The following RWDD1 variants were observed in gnomAD, a reference collection of about 807,000 sequenced individuals.
RWDD1 encodes RWD domain containing 1.
In RWDD1, 17 loss-of-function variants were observed where a neutral mutation model predicts 31.6. That is an observed-to-expected ratio of 0.54 (90% CI 0.37 to 0.81). The LOEUF is 0.81. Among genes scored for constraint, RWDD1 ranks in the 30% least tolerant of loss-of-function variants. The pLI is 0.00. For missense variants in RWDD1, 204 were observed against 274.5 expected (o/e 0.74, Z 1.82); for synonymous variants, 78 against 94.2 (o/e 0.83, Z 0.99).
Position 116,593,161 on chromosome 6 carries a change from G to C in RWDD1, c.*60G>C. 6.9e-7 allele frequency: 1 copy of C among 1,459,642 alleles called. No homozygotes were observed. Among genetic ancestry groups the C allele is most frequent in the Non-Finnish European group, 9.1e-7 (1 of 1,095,208 alleles). 90.4% of individuals were successfully genotyped at this position (1,459,642 alleles called of 1,614,324 possible). A position where few individuals can be genotyped will look rare whatever the true frequency, so the allele number is the denominator to read the frequency against. On this transcript the variant is annotated 3_prime_UTR_variant, in exon 7 of 7. Coordinates refer to ENST00000466444, the MANE Select transcript of RWDD1 (RefSeq NM_015952.4). ...CACAGCATCTGTGGCTATGCTCAGA[G>C]GGTTATGATTTTCCTTTCTTTTTTT...
chr6:116,590,102 G>A (rs7765598), intron 4 of RWDD1, among the ~76,000 whole-genome samples, 170 bp from the exon 5 acceptor site: 59,510 of 151,986 alleles, frequency 0.39, 12,208 homozygotes, highest in African/African-American at 0.52. Flanking sequence ...GCCAAAACCA[G>A]TGAGAGTAGC....
Position 116,572,918 on chromosome 6 carries a change from C to CAGT in RWDD1, c.73+1265_73+1267dup, listed in dbSNP as rs909713934. The CAGT allele has an allele frequency of 4.1e-6, 4 of 984,998 alleles. No homozygotes were observed. In the African/African-American group the frequency reaches 7.0e-5, roughly 17 times the overall value. The allele number at this position is 984,998 out of a possible 1,614,324, so 61.0% of individuals were successfully genotyped here. On this transcript the variant is annotated intron_variant, in intron 1 of 6. Coordinates refer to ENST00000466444, the MANE Select transcript of RWDD1 (RefSeq NM_015952.4). ...TCCTGTTCATGTTCTCTCTCACCAGCAGTACATCTGTGCTGTGAGGATGTT... is the reference window on the plus strand; with the variant it reads ...TCCTGTTCATGTTCTCTCTCACCAGCAGTAGTACATCTGTGCTGTGAGGATGTT...
At chr6:116,577,585 T>A (rs566056880) in intron 1 of RWDD1, among the ~76,000 whole-genome samples, 1 of 151,980 alleles carries the variant, frequency 6.6e-6, no homozygotes, top group Non-Finnish European at 1.5e-5. Context: ...TACTACTCAT[T>A]TTTGTTAGTG....
At chr6:116,588,205 C>T (rs1007444527) in intron 3 of RWDD1, among the ~76,000 whole-genome samples, 63 of 152,202 alleles carry the variant, frequency 4.1e-4, no homozygotes, top group African/African-American at 1.5e-3. Context: ...CTGCTGAGGC[C>T]AGCCCTGTCA....
At chr6:116,578,774 T>C (rs1032421029) in intron 1 of RWDD1, among the ~76,000 whole-genome samples, 2 of 152,222 alleles carry the variant, frequency 1.3e-5, no homozygotes, top group Non-Finnish European at 2.9e-5. Context: ...CTACTGAGTC[T>C]TTTATCTAAC....
intron 1 of RWDD1, among the ~76,000 whole-genome samples, chr6:116,573,682 A>C (rs867824903): frequency 6.6e-6 from 1 of 151,976 alleles, no homozygotes; most frequent in Middle Eastern, 3.2e-3. Context: ...TTGTATTCTC[A>C]TGCCAGGTTT....
intron 4 of RWDD1, among the ~76,000 whole-genome samples, chr6:116,589,432 G>C (rs562662465): frequency 6.6e-6 from 1 of 152,300 alleles, no homozygotes; most frequent in South Asian, 2.1e-4. Context: ...GTCCTGGGCT[G>C]CATGTGGCTC....
intron 2 of RWDD1, among the ~76,000 whole-genome samples, chr6:116,582,661 G>A (rs1019479019): frequency 1.3e-5 from 2 of 151,862 alleles, no homozygotes; most frequent in Non-Finnish European, 2.9e-5. Flanking sequence ...TTTCATGTAT[G>A]ATTTTATTCA....
Position 116,590,354 on chromosome 6 carries a change from A to G in RWDD1, c.497A>G (p.Lys166Arg), listed in dbSNP as rs1334075788. ...AKFDAELLEI[K>R]KKRMKEEEQA... ...TTTGATGCAGAACTCTTGGAAATTA[A>G]AAAGAAAAGGATGAAAGAAGAAGAA... The change falls in exon 5 of 7, where the codon AAA becomes AGA. Residue 166 changes from lysine to arginine, a missense_variant. Physicochemically the swap from Lys to Arg is conservative, Grantham distance 26. Transcript: ENST00000466444. The G allele has an allele frequency of 6.2e-7, 1 of 1,600,296 alleles. No individual in the cohort carries two copies. The highest frequency in any genetic ancestry group is 1.8e-5 in the Admixed American group (1 of 56,552).
rs962445279 is a variant in RWDD1 at position 116,596,883 on chromosome 6, C to T, written c.*3782C>T. The T allele has an allele frequency of 1.3e-5, 2 of 151,824 alleles. No homozygotes were observed. Among genetic ancestry groups the T allele is most frequent in the Admixed American group, 6.6e-5 (1 of 15,252 alleles). 9.4% of individuals were successfully genotyped at this position (151,824 alleles called of 1,614,324 possible). ...TGAAGGGAAGAAAAAAAAATTAATT[C>T]GGCCATGAATTTTAATATTCTGGCC... On this transcript the variant is annotated 3_prime_UTR_variant, in exon 7 of 7. Transcript: ENST00000466444.
intron 5 of RWDD1, 121 bp downstream of exon 5, chr6:116,590,525 AAG>A: frequency 8.1e-7 from 1 of 1,233,800 alleles, no homozygotes; most frequent in Non-Finnish European, 1.1e-6. Flanking sequence ...CTAGGACAAA[AAG>A]AGAAAACATA....
At chr6:116,591,891 A>C (rs1424140463) in intron 6 of RWDD1, among the ~76,000 whole-genome samples, 1 of 152,264 alleles carries the variant, frequency 6.6e-6, no homozygotes, top group Non-Finnish European at 1.5e-5. Flanking sequence ...AATGCTTTCT[A>C]ATCTAAGCTA....
intron 1 of RWDD1, chr6:116,572,421 G>A (rs913854720): frequency 2.6e-5 from 4 of 152,236 alleles, no homozygotes; most frequent in Non-Finnish European, 4.4e-5. Context: ...TCACTTTCCA[G>A]ACATATGGGA....
Position 116,588,833 on chromosome 6 carries a change from G to C in RWDD1, c.271-9G>C. ...GAGTTATTCCTCATCACCTTTTTGT[G>C]TTACACAGGCTGAAGAAAATCTTGG... On this transcript the variant is annotated splice_polypyrimidine_tract_variant and intron_variant, in intron 3 of 6. Transcript: ENST00000466444. 6.6e-7 allele frequency: 1 copy of C among 1,521,742 alleles called. No individual in the cohort carries two copies. The highest frequency in any genetic ancestry group is 1.4e-5 in the South Asian group (1 of 73,700). The allele number at this position is 1,521,742 out of a possible 1,614,324, so 94.3% of individuals were successfully genotyped here.
Position 116,597,513 on chromosome 6 carries a change from G to T in RWDD1, c.*4412G>T, listed in dbSNP as rs568941138. On this transcript the variant is annotated 3_prime_UTR_variant, in exon 7 of 7. Transcript: ENST00000466444. ...ATAAAGATGAAGGGTATTTAGCTCT[G>T]AAAATCCTTTACTGTTGAATATTTA... 9.9e-5 allele frequency: 15 copies of T among 152,110 alleles called. No individual in the cohort carries two copies. The highest frequency in any genetic ancestry group is 3.6e-4 in the African/African-American group (15 of 41,484). 9.4% of individuals were successfully genotyped at this position (152,110 alleles called of 1,614,324 possible).
rs1187566300 is a variant in RWDD1 at position 116,596,618 on chromosome 6, G to T, written c.*3517G>T. ...ATCTCAACTCAGTCCTCATTTTTTA[G>T]TTCAACTTTTGACAACCTTATATTC... On this transcript the variant is annotated 3_prime_UTR_variant, in exon 7 of 7. Transcript: ENST00000466444. 2 of 152,144 alleles carry T rather than the reference G, an allele frequency of 1.3e-5. No individual in the cohort carries two copies. Among genetic ancestry groups the T allele is most frequent in the Admixed American group, 6.5e-5 (1 of 15,270 alleles). 9.4% of individuals were successfully genotyped at this position (152,144 alleles called of 1,614,324 possible).
chr6:116,574,745 ACCTCCCCTCCCCTTCCCTCC>A (rs1562375210), intron 1 of RWDD1, among the ~76,000 whole-genome samples: 4 of 84,498 alleles, frequency 4.7e-5, no homozygotes, highest in Non-Finnish European at 7.2e-5. Flanking sequence ...CCTTCCTTCC[ACCTCCCCTCCCCTTCCCTCC>A]CCTCCCCTCC....
chr6:116,579,864 G>A (rs893699363), intron 1 of RWDD1, among the ~76,000 whole-genome samples: 1 of 152,158 alleles, frequency 6.6e-6, no homozygotes, highest in Non-Finnish European at 1.5e-5. Context: ...TTGTCATGGA[G>A]ATTCTGAGTT....
intron 3 of RWDD1, among the ~76,000 whole-genome samples, chr6:116,585,588 T>G (rs534336947): frequency 6.6e-6 from 1 of 152,196 alleles, no homozygotes; most frequent in East Asian, 1.9e-4. Context: ...TAAGAAGAAT[T>G]GACAGAAAAC....
Sources: allele counts gnomAD v4.1 joint callset (sites outside exome capture counted in the v4.1 genomes callset), GRCh38; gene constraint gnomAD v4.1.1; transcripts MANE v1.5; gene names NCBI Gene and HGNC (gene_info 2026-07-23, HGNC 2026-07-21).